The following GABRG2 variants were observed in gnomAD, a reference collection of about 807,000 sequenced individuals.
GABRG2 encodes gamma-aminobutyric acid receptor subunit gamma-2.
A neutral mutation model predicts 56.4 loss-of-function variants in GABRG2; 16 were observed. The ratio of observed to expected loss-of-function variants is 0.28; its 90% CI spans 0.19 to 0.43. GABRG2 has a LOEUF of 0.43. Among genes scored for constraint, GABRG2 ranks in the 20% least tolerant of loss-of-function variants. The pLI is 1.00. For synonymous variants in GABRG2, 208 were observed against 205.5 expected (o/e 1.01, Z -0.10); for missense variants, 327 against 582.7 (o/e 0.56, Z 4.52).
intron 1 of GABRG2, among the ~76,000 whole-genome samples, chr5:162,087,658 C>T (rs891087045): frequency 2.0e-5 from 3 of 151,986 alleles, no homozygotes; most frequent in African/African-American, 4.8e-5. Context: ...ATTTTGAATA[C>T]GTAGTTAAGG....
At chr5:162,150,299 T>A (rs1272000977) in intron 8 of GABRG2, 4 of 152,196 alleles carry the variant, frequency 2.6e-5, no homozygotes. Context: ...ATGAATGTAC[T>A]TAACATTAGT....
At chr5:162,150,169 T>A (rs1581456340) in intron 8 of GABRG2, 2 of 149,764 alleles carry the variant, frequency 1.3e-5, no homozygotes, top group South Asian at 2.0e-4. Flanking sequence ...TTGTGTGTTT[T>A]ATATATATAT....
intron 6 of GABRG2, among the ~76,000 whole-genome samples, chr5:162,124,916 T>C (rs1421458785): frequency 6.6e-6 from 1 of 151,076 alleles, no homozygotes; most frequent in Non-Finnish European, 1.5e-5. Context: ...AGTCTCAAAA[T>C]AAATAAGATG....
chr5:162,092,206 C>T (rs979058809), intron 1 of GABRG2, among the ~76,000 whole-genome samples: 3 of 151,996 alleles, frequency 2.0e-5, no homozygotes, highest in Non-Finnish European at 2.9e-5. Flanking sequence ...CCTCTGCTTG[C>T]GTGGAGGCTT....
intron 1 of GABRG2, among the ~76,000 whole-genome samples, chr5:162,077,732 A>G (rs1759250428): frequency 6.6e-6 from 1 of 152,168 alleles, no homozygotes; most frequent in Non-Finnish European, 1.5e-5. Flanking sequence ...GTAGCTTGGT[A>G]ATTGCAGTTT....
rs781394954 is a variant in GABRG2, at chr5:162,149,077, A to T, written c.923-31A>T. ...AGTTACCCAACTTGCTTATGCAATC[A>T]CATGACCTGTATTATTACACCTCTC... On this transcript the variant is annotated intron_variant, in intron 7 of 9. Coordinates refer to ENST00000639213, the MANE Select transcript of GABRG2 (RefSeq NM_198904.4). The T allele has an allele frequency of 4.4e-6, 7 of 1,605,334 alleles. No individual in the cohort carries two copies. In the Admixed American group the frequency reaches 1.2e-4, roughly 27 times the overall value.
At chr5:162,119,815 T>A (rs10079477) in intron 6 of GABRG2, among the ~76,000 whole-genome samples, 2 of 152,078 alleles carry the variant, frequency 1.3e-5, no homozygotes, top group East Asian at 3.9e-4. Flanking sequence ...TATACCTTAA[T>A]TTCTCAAAAT....
chr5:162,102,095 C>G (rs1367049595), intron 5 of GABRG2: 1 of 158,766 alleles, frequency 6.3e-6, no homozygotes, highest in Non-Finnish European at 1.4e-5. Flanking sequence ...AGGGAGTCCA[C>G]CAAGTCATAG....
chr5:162,151,646 C>G, intron 8 of GABRG2, 84 bp from the exon 9 acceptor site: 1 of 1,176,422 alleles, frequency 8.5e-7, no homozygotes, highest in Non-Finnish European at 1.2e-6. Context: ...TTTAATTTAT[C>G]TTGTCTCTCT....
chr5:162,095,400 A>G, intron 2 of GABRG2, 95 bp from the exon 3 acceptor site: 1 of 766,208 alleles, frequency 1.3e-6, no homozygotes, highest in South Asian at 1.5e-5. Context: ...ATTACTTCTA[A>G]TGTAGCTAAA....
At chr5:162,134,926 G>T (rs908702409) in intron 6 of GABRG2, among the ~76,000 whole-genome samples, 1 of 152,134 alleles carries the variant, frequency 6.6e-6, no homozygotes, top group African/African-American at 2.4e-5. Context: ...TTCAGATGGA[G>T]TCTTTAAAGG....
chr5:162,145,119 C>T lies in GABRG2; in HGVS notation c.922+2803C>T, dbSNP rs550823900. 8.5e-5 allele frequency among the ~76,000 whole-genome samples: 13 copies of T among 152,270 alleles called. No homozygotes were observed. In the South Asian group the frequency reaches 2.3e-3, roughly 27 times the overall value. ...CACGCAGACCTTAAGCTTCTTGCCA[C>T]GGAACAGTTAGGCCATCTTGTTTGA... On this transcript the variant is annotated intron_variant, in intron 7 of 9. Transcript: ENST00000639213.
chr5:162,134,727 C>T (rs761325402), intron 6 of GABRG2, among the ~76,000 whole-genome samples: 1 of 152,136 alleles, frequency 6.6e-6, no homozygotes, highest in Non-Finnish European at 1.5e-5. Flanking sequence ...TGGCTGCTGA[C>T]AGCTCACTAC....
rs189276964 is a variant in GABRG2 at position 162,100,436 on chromosome 5, A to G, written c.549-799A>G. On this transcript the variant is annotated intron_variant, in intron 4 of 9. Transcript: ENST00000639213. ...AAATCATCAACCCATTACCATTACA[A>G]TTTGAGATTATATTCATATTTACCC... The G allele has an allele frequency of 1.1e-3, 163 of 152,258 alleles. 1 individual carries two copies. The highest frequency in any genetic ancestry group is 3.8e-3 in the African/African-American group (158 of 41,566). 9.4% of individuals were successfully genotyped at this position (152,258 alleles called of 1,614,324 possible). A position where few individuals can be genotyped will look rare whatever the true frequency, so the allele number is the denominator to read the frequency against.
chr5:162,136,193 G>A (rs532485438), intron 6 of GABRG2, among the ~76,000 whole-genome samples: 20 of 152,228 alleles, frequency 1.3e-4, no homozygotes, highest in Non-Finnish European at 1.3e-4. Flanking sequence ...TAAGCAGTGC[G>A]AATTTCATAC....
chr5:162,134,629 T>C (rs1763987131), intron 6 of GABRG2, among the ~76,000 whole-genome samples: 1 of 152,192 alleles, frequency 6.6e-6, no homozygotes, highest in Admixed American at 6.5e-5. Flanking sequence ...TAATCTGATA[T>C]TTGCCCTTGC....
chr5:162,131,479 C>A (rs141457031), intron 6 of GABRG2, among the ~76,000 whole-genome samples: 1 of 152,044 alleles, frequency 6.6e-6, no homozygotes, highest in Non-Finnish European at 1.5e-5. Context: ...CAACTATACT[C>A]TTCTTCTTTC....
chr5:162,114,944 T>C (rs1217881692), intron 6 of GABRG2, among the ~76,000 whole-genome samples: 1 of 151,452 alleles, frequency 6.6e-6, no homozygotes, highest in East Asian at 1.9e-4. Context: ...TTTGTTGCCG[T>C]TTTGCTTTGT....
chr5:162,085,546 C>CT (rs913833254), intron 1 of GABRG2, among the ~76,000 whole-genome samples: 2 of 142,692 alleles, frequency 1.4e-5, no homozygotes, highest in African/African-American at 5.1e-5. Flanking sequence ...TTTTTTAGTA[C>CT]TTTTTTTTCT....
Sources: allele counts gnomAD v4.1 joint callset (sites outside exome capture counted in the v4.1 genomes callset), GRCh38; gene constraint gnomAD v4.1.1; transcripts MANE v1.5; gene names NCBI Gene and HGNC (gene_info 2026-07-23, HGNC 2026-07-21).